The following ERAP1 variants were observed in gnomAD, a reference collection of about 807,000 sequenced individuals.
ERAP1 encodes endoplasmic reticulum aminopeptidase 1.
Under a neutral mutation model 103.7 loss-of-function variants are expected in ERAP1, and 86 were observed. The ratio of observed to expected loss-of-function variants is 0.83; its 90% CI spans 0.70 to 0.99. The LOEUF (loss-of-function observed/expected upper bound fraction) is 0.99. Among genes scored for constraint, ERAP1 ranks in the 50% least tolerant of loss-of-function variants. ERAP1 has a pLI of 0.00. For missense variants in ERAP1, 1,009 were observed against 1,128.4 expected, an observed-to-expected ratio of 0.89 and a Z score of 1.52; for synonymous variants, 398 against 402.4, an observed-to-expected ratio of 0.99 and a Z score of 0.13.
rs746146454 is a variant in ERAP1 at position 96,788,570 on chromosome 5, T to C, written c.1640A>G (p.Glu547Gly). 2.4e-5 allele frequency: 39 copies of C among 1,614,094 alleles called. 1 individual carries two copies. The South Asian group carries it at 4.3e-4, about 18-fold the overall frequency. ...VRGRNVHMKQ[E>G]HYMKGSDGAP... ...GCCGTCAGAGCCCTTCATGTAGTGC[T>C]CTTGCTTCATGTGTACATTCCTCCC... Residue 547 changes from glutamate (E) to glycine (G), a missense_variant, in exon 11 of 19, where the codon GAG becomes GGG. Transcript: ENST00000443439.
At chr5:96,803,993 T>A in intron 1 of ERAP1, 50 bp from the exon 2 acceptor site, 2 of 1,566,144 alleles carry the variant, frequency 1.3e-6, no homozygotes, top group Non-Finnish European at 1.7e-6. Context: ...TAAAATGTTA[T>A]TGACACAGCA....
At chr5:96,771,273 A>G (rs1403816842), downstream of ERAP1, among the ~76,000 whole-genome samples, 1 of 152,214 alleles carries the variant, frequency 6.6e-6, no homozygotes, top group Admixed American at 6.5e-5. Flanking sequence ...AATAGAAAGC[A>G]TAATAACCCT....
chr5:96,865,118 T>C, the ERAP1 span, among the ~76,000 whole-genome samples: 79 of 152,330 alleles, frequency 5.2e-4, no homozygotes, highest in South Asian at 0.016. Context: ...TGGTCCCTGA[T>C]AGTACACTGA....
the ERAP1 span, chr5:96,880,294 G>T: frequency 2.6e-6 from 4 of 1,555,342 alleles, no homozygotes; most frequent in Non-Finnish European, 3.5e-6. Context: ...ACATTCTTTT[G>T]TGATAATTTC....
Position 96,788,644 on chromosome 5 carries a change from G to A in ERAP1, c.1566C>T (p.Asn522=). The A allele has an allele frequency of 1.2e-6, 2 of 1,614,168 alleles. No homozygotes were observed. Among genetic ancestry groups the A allele is most frequent in the Non-Finnish European group, 1.7e-6 (2 of 1,180,026 alleles). The change falls in exon 11 of 19, where the codon AAC becomes AAT. Residue 522 remains asparagine, a synonymous_variant. Transcript: ENST00000443439. The part of the protein sequence containing the change: ...QEGVDVKTMM[N]TWTLQKGFPL... ...GAAAACCCTTCTGCAGTGTCCAAGT[G>A]TTCATCATGGTTTTCACATCCACCC...
the ERAP1 span, among the ~76,000 whole-genome samples, chr5:96,847,664 G>A: frequency 2.6e-5 from 4 of 152,146 alleles, no homozygotes; most frequent in African/African-American, 9.7e-5. Context: ...TCCATAGCAG[G>A]AGGAATCATA....
chr5:96,926,229 C>T, the ERAP1 span, among the ~76,000 whole-genome samples: 1 of 152,060 alleles, frequency 6.6e-6, no homozygotes, highest in Non-Finnish European at 1.5e-5. Context: ...TCATTTTAAT[C>T]AAGCATTGTT....
chr5:96,879,816 A>G, the ERAP1 span: 14 of 1,614,178 alleles, frequency 8.7e-6, no homozygotes, highest in East Asian at 1.1e-4. Flanking sequence ...CCATCTAGTT[A>G]TCACTTCACT....
upstream of ERAP1, chr5:96,808,170 C>T (rs1250675302): frequency 3.2e-6 from 3 of 943,404 alleles, no homozygotes; most frequent in Non-Finnish European, 3.7e-6. Context: ...AAGTGCACGC[C>T]TTTCTGAACG....
At chr5:96,885,171 G>T in the ERAP1 span, among the ~76,000 whole-genome samples, 3 of 152,144 alleles carry the variant, frequency 2.0e-5, no homozygotes, top group African/African-American at 7.2e-5. Context: ...TAGCCCAGAC[G>T]TATTTCCCCA....
the ERAP1 span, among the ~76,000 whole-genome samples, chr5:96,837,869 G>GCGT: frequency 6.6e-6 from 1 of 152,158 alleles, no homozygotes; most frequent in South Asian, 2.1e-4. Context: ...GGACAGAGCA[G>GCGT]GAAGATAAGC....
At chr5:96,851,706 C>T in the ERAP1 span, among the ~76,000 whole-genome samples, 2 of 152,118 alleles carry the variant, frequency 1.3e-5, no homozygotes, top group African/African-American at 4.8e-5. Flanking sequence ...CCTCTTGAGC[C>T]CTGGAACTGG....
At chr5:96,932,640 A>C in the ERAP1 span, among the ~76,000 whole-genome samples, 13 of 152,204 alleles carry the variant, frequency 8.5e-5, no homozygotes, top group Admixed American at 8.5e-4. Context: ...CTCTCTAGAC[A>C]GTAGTTCCCT....
intron 19 of ERAP1, chr5:96,765,249 T>C (rs1419387523): frequency 6.2e-7 from 1 of 1,606,692 alleles, no homozygotes; most frequent in Non-Finnish European, 8.5e-7. Context: ...GATGATGCCT[T>C]GGATAAACTC....
intron 5 of ERAP1, 125 bp from the exon 6 acceptor site, chr5:96,794,082 G>C (rs1329853014): frequency 2.2e-6 from 2 of 892,244 alleles, no homozygotes; most frequent in Admixed American, 1.9e-5. Flanking sequence ...CTCTAGACTG[G>C]AAGAACCTTT....
the ERAP1 span, among the ~76,000 whole-genome samples, chr5:96,826,984 A>C: frequency 2.6e-5 from 4 of 152,212 alleles, no homozygotes; most frequent in Admixed American, 2.6e-4. Context: ...ATCCCCACAA[A>C]GCTCAAATGT....
chr5:96,783,481 C>T (rs985029958), intron 14 of ERAP1, among the ~76,000 whole-genome samples: 6 of 152,016 alleles, frequency 3.9e-5, no homozygotes, highest in African/African-American at 1.2e-4. Flanking sequence ...GGATGAATTG[C>T]GACTTTTAAA....
At chr5:96,915,029 C>T in the ERAP1 span, among the ~76,000 whole-genome samples, 12 of 151,246 alleles carry the variant, frequency 7.9e-5, no homozygotes, top group Non-Finnish European at 1.5e-4. Context: ...TTTTTTGAGA[C>T]GGAGTTTCAT....
At chr5:96,903,537 T>C in the ERAP1 span, 1 of 1,605,012 alleles carries the variant, frequency 6.2e-7, no homozygotes, top group Non-Finnish European at 8.5e-7. Flanking sequence ...TAGGTCTGAT[T>C]CATGATGTGT....
Sources: allele counts gnomAD v4.1 joint callset (sites outside exome capture counted in the v4.1 genomes callset), GRCh38; gene constraint gnomAD v4.1.1; transcripts MANE v1.5; gene names NCBI Gene and HGNC (gene_info 2026-07-23, HGNC 2026-07-21).